PDE4D: variants seen among roughly 807,000 people sequenced by gnomAD.
PDE4D encodes phosphodiesterase 4D, also known as 3',5'-cyclic-AMP phosphodiesterase 4D.
Under a neutral mutation model 87.4 loss-of-function variants are expected in PDE4D, and 24 were observed. The observed-to-expected ratio is 0.27, with a 90% CI of 0.20 to 0.39. The LOEUF (loss-of-function observed/expected upper bound fraction) is 0.39, where lower values mean the gene tolerates loss of function less well. Ranked by LOEUF, PDE4D falls within the 10% of genes least tolerant of loss-of-function variation. The pLI is 1.00. For missense variants in PDE4D, 714 were observed against 1,041.0 expected (o/e 0.69, Z 4.32); for synonymous variants, 384 against 383.2 (o/e 1.00, Z -0.02).
intron 11 of PDE4D, among the ~76,000 whole-genome samples, chr5:58,982,287 C>G (rs1348811612): frequency 1.3e-5 from 2 of 152,262 alleles, no homozygotes; most frequent in East Asian, 3.9e-4. Context: ...TCTGGAGAAC[C>G]TTGCCCCAGC....
intron 5 of PDE4D, among the ~76,000 whole-genome samples, chr5:59,162,716 G>A (rs10085076): frequency 0.37 from 55,896 of 150,654 alleles, 11,074 homozygotes; most frequent in Middle Eastern, 0.46. Flanking sequence ...GTATGGTGGT[G>A]CAGTGCTATG....
At chr5:59,405,926 G>A (rs184033990) in intron 1 of PDE4D, among the ~76,000 whole-genome samples, 3 of 152,082 alleles carry the variant, frequency 2.0e-5, no homozygotes, top group Admixed American at 6.5e-5. Context: ...GCTGAATTTG[G>A]CTTGCTAGTA....
chr5:59,266,845 C>T (rs1374006674), intron 1 of PDE4D, among the ~76,000 whole-genome samples: 1 of 151,998 alleles, frequency 6.6e-6, no homozygotes, highest in Non-Finnish European at 1.5e-5. Flanking sequence ...TGAGGAAAAG[C>T]AAACAAAACA....
chr5:59,926,802 A>G (rs569509541), intron 3 of PDE4D, among the ~76,000 whole-genome samples: 4 of 152,286 alleles, frequency 2.6e-5, no homozygotes, highest in African/African-American at 9.6e-5. Flanking sequence ...CTAGACACAT[A>G]CAACCTACCA....
chr5:58,981,968 C>A (rs1319026079), intron 11 of PDE4D, among the ~76,000 whole-genome samples: 1 of 152,088 alleles, frequency 6.6e-6, no homozygotes, highest in Non-Finnish European at 1.5e-5. Flanking sequence ...ACTGTAATGC[C>A]CTTCTTGGAT....
intron 1 of PDE4D, among the ~76,000 whole-genome samples, chr5:59,667,239 G>C (rs6650953): frequency 6.6e-6 from 1 of 151,422 alleles, no homozygotes. Context: ...ATTTTTTTTT[G>C]GGGGGGAGGT....
chr5:60,395,537 A>G (rs1762832017), intron 1 of PDE4D, among the ~76,000 whole-genome samples: 1 of 152,180 alleles, frequency 6.6e-6, no homozygotes, highest in Non-Finnish European at 1.5e-5. Flanking sequence ...AAATTCCATT[A>G]TCACAGTGTC....
At chr5:59,403,168 GACAGACAGATA>G (rs1790987474) in intron 1 of PDE4D, among the ~76,000 whole-genome samples, 1 of 85,186 alleles carries the variant, frequency 1.2e-5, no homozygotes, top group Non-Finnish European at 2.5e-5. Flanking sequence ...CAGACAGACA[GACAGACAGATA>G]GATAGATAGA....
rs10563874 is a variant in PDE4D, at chr5:59,065,067, TACACACACACACACACACACACAC to T, written c.809-26120_809-26097del. The stretch of plus-strand genomic sequence containing the variant: ...GGACAAAGGAAATGTGATATATATA[TACACACACACACACACACACACAC>T]ACACACACACACACACACACACACA... On this transcript the variant is annotated intron_variant, in intron 5 of 14. Coordinates refer to ENST00000340635, the MANE Select transcript of PDE4D (RefSeq NM_001104631.2). Among the ~76,000 whole-genome samples, 420 of 89,334 alleles carry T rather than the reference TACACACACACACACACACACACAC, an allele frequency of 4.7e-3. 4 individuals carry two copies. The East Asian group carries it at 0.099, about 21-fold the overall frequency. The allele number at this position is 89,334 out of a possible 152,430, so 58.6% of individuals were successfully genotyped here. A position where few individuals can be genotyped will look rare whatever the true frequency, so the allele number is the denominator to read the frequency against.
At chr5:59,829,358 A>G (rs1317236230) in intron 1 of PDE4D, among the ~76,000 whole-genome samples, 2 of 152,078 alleles carry the variant, frequency 1.3e-5, no homozygotes, top group Non-Finnish European at 2.9e-5. Flanking sequence ...ATCCATTTGT[A>G]TATATACCCA....
chr5:59,372,309 A>C (rs1417483927), intron 1 of PDE4D, among the ~76,000 whole-genome samples: 3 of 152,232 alleles, frequency 2.0e-5, no homozygotes, highest in Non-Finnish European at 4.4e-5. Flanking sequence ...CTTTACAAGC[A>C]ATTGTAATTT....
At chr5:59,467,703 A>G (rs1023233369) in intron 1 of PDE4D, among the ~76,000 whole-genome samples, 1 of 152,236 alleles carries the variant, frequency 6.6e-6, no homozygotes, top group African/African-American at 2.4e-5. Context: ...AAGCATACGT[A>G]CAATTGTATT....
chr5:60,142,500 T>A (rs1419746158), intron 2 of PDE4D, among the ~76,000 whole-genome samples: 1 of 152,184 alleles, frequency 6.6e-6, no homozygotes, highest in African/African-American at 2.4e-5. Flanking sequence ...ACTCTGTAGT[T>A]CAGGGCTTTG....
intron 1 of PDE4D, among the ~76,000 whole-genome samples, chr5:59,753,163 A>G (rs901020883): frequency 2.0e-5 from 3 of 152,172 alleles, no homozygotes; most frequent in African/African-American, 7.2e-5. Context: ...AGGGTAATTA[A>G]TGAGACAGTA....
intron 3 of PDE4D, among the ~76,000 whole-genome samples, chr5:59,931,333 T>C (rs1755893060): frequency 6.6e-6 from 1 of 152,194 alleles, no homozygotes; most frequent in Non-Finnish European, 1.5e-5. Flanking sequence ...CTACAAAAAT[T>C]TGTGTATGTT....
chr5:59,511,727 A>G (rs1481378326), intron 1 of PDE4D, among the ~76,000 whole-genome samples: 1 of 152,112 alleles, frequency 6.6e-6, no homozygotes, highest in Non-Finnish European at 1.5e-5. Flanking sequence ...CAAAATATAT[A>G]GAAGAGCACA....
Position 59,311,112 on chromosome 5 carries a change from T to C in PDE4D, c.456-95144A>G, listed in dbSNP as rs148296844. 8.7e-3 allele frequency among the ~76,000 whole-genome samples: 1,318 copies of C among 152,218 alleles called. 16 individuals carry two copies. Among genetic ancestry groups the C allele is most frequent in the African/African-American group, 0.03 (1,261 of 41,522 alleles). ...TTAGCAGAGAGATGAAGGCTGGTCC[T>C]GGAGGGAAATGTGGGACCAGGGTTA... On this transcript the variant is annotated intron_variant, in intron 1 of 14. Transcript: ENST00000340635.
intron 1 of PDE4D, among the ~76,000 whole-genome samples, chr5:60,238,880 T>C (rs77887883): frequency 0.027 from 4,140 of 152,128 alleles, 204 homozygotes; most frequent in African/African-American, 0.094. Flanking sequence ...TTATAGTTTG[T>C]CTTTTAACCC....
intron 1 of PDE4D, among the ~76,000 whole-genome samples, chr5:59,436,742 T>G (rs1796850119): frequency 6.6e-6 from 1 of 152,210 alleles, no homozygotes; most frequent in African/African-American, 2.4e-5. Flanking sequence ...AAATGCTTTA[T>G]TCTCCAGCTA....
Sources: allele counts gnomAD v4.1 joint callset (sites outside exome capture counted in the v4.1 genomes callset), GRCh38; gene constraint gnomAD v4.1.1; transcripts MANE v1.5; gene names NCBI Gene and HGNC (gene_info 2026-07-23, HGNC 2026-07-21).